The following AGBL2 variants were observed in gnomAD, a reference collection of about 807,000 sequenced individuals.
AGBL2 encodes the protein AGBL carboxypeptidase 2.
In AGBL2, 87 loss-of-function variants were observed where a neutral mutation model predicts 103.0. That is an observed-to-expected ratio of 0.84 (90% CI 0.71 to 1.01). AGBL2 has a LOEUF of 1.01. Among genes scored for constraint, AGBL2 ranks in the 50% least tolerant of loss-of-function variants. The probability of loss-of-function intolerance (pLI) is 0.00; values close to 1 mark genes in which losing one functional copy is unlikely to be tolerated. For synonymous variants in AGBL2, 335 were observed against 356.7 expected, an observed-to-expected ratio of 0.94 and a Z score of 0.69; for missense variants, 904 against 1,023.5, an observed-to-expected ratio of 0.88 and a Z score of 1.59.
chr11:47,695,760 G>A (rs949482470), intron 8 of AGBL2, among the ~76,000 whole-genome samples: 1 of 151,862 alleles, frequency 6.6e-6, no homozygotes, highest in Non-Finnish European at 1.5e-5. Flanking sequence ...GGGCGACAGA[G>A]GAAGATCCTG....
At chr11:47,673,378 G>A (rs931027524) in intron 14 of AGBL2, among the ~76,000 whole-genome samples, 1 of 150,860 alleles carries the variant, frequency 6.6e-6, no homozygotes, top group African/African-American at 2.4e-5. Flanking sequence ...GTAATCCCAG[G>A]ACTTTGGGAG....
intron 8 of AGBL2, among the ~76,000 whole-genome samples, chr11:47,693,056 G>A (rs1387181968): frequency 6.6e-6 from 1 of 151,956 alleles, no homozygotes; most frequent in African/African-American, 2.4e-5. Context: ...CAGGGCCCAA[G>A]CGATCCTCCT....
At chr11:47,689,486 G>C (rs752694464) in intron 10 of AGBL2, among the ~76,000 whole-genome samples, 52 of 151,822 alleles carry the variant, frequency 3.4e-4, no homozygotes, top group Admixed American at 6.6e-5. Flanking sequence ...TGTATCTTTA[G>C]CAGAGACTGG....
In AGBL2 at chr11:47,668,902, C is replaced by T. The variant is rs1351559602; in HGVS notation, c.2153G>A (p.Ser718Asn). ...ATCTGAGAGAGAACTGTCAGAGCCA[C>T]TGGTGCTGTTTCCAAAAGAAAAAAA... ...ISLSDIESST[S>N]GSDSSLSDGL... The change falls in exon 15 of 19, where the codon AGT (serine) becomes AAT (asparagine). Residue 718 changes from serine to asparagine, a missense_variant. By Grantham distance (46) the Ser-to-Asn change is conservative (BLOSUM62 1). Transcript: ENST00000525123. The T allele has an allele frequency of 2.0e-5, 32 of 1,612,516 alleles. No individual in the cohort carries two copies. The highest frequency in any genetic ancestry group is 2.6e-5 in the Non-Finnish European group (31 of 1,179,044).
Position 47,690,835 on chromosome 11 carries a change from G to A in AGBL2, c.872C>T (p.Thr291Ile). ...VRVDTYEYEL[T>I]LRTDLYTNKH... is the part of the protein sequence containing the mutation. ...GTTAGTGTAGAGGTCAGTTCGCAAG[G>A]TGAGTTCATACTCATAGGTGTCTCT... Residue 291 changes from threonine (T) to isoleucine (I), a missense_variant, in exon 10 of 19, where the codon ACC (threonine) becomes ATC (isoleucine). Transcript: ENST00000525123. The A allele has an allele frequency of 6.2e-7, 1 of 1,611,530 alleles. No homozygotes were observed. Among genetic ancestry groups the A allele is most frequent in the South Asian group, 1.1e-5 (1 of 91,070 alleles).
chr11:47,709,809 G>A (rs1392381896), intron 4 of AGBL2, among the ~76,000 whole-genome samples: 3 of 151,998 alleles, frequency 2.0e-5, no homozygotes, highest in South Asian at 2.1e-4. Context: ...GGCTGGTCTC[G>A]AGCTCCTGAG....
rs2097450292 is a variant in AGBL2 at position 47,692,230 on chromosome 11, T to A, written c.721A>T (p.Ser241Cys). 6.2e-7 allele frequency: 1 copy of A among 1,613,602 alleles called. No individual in the cohort carries two copies. Among genetic ancestry groups the A allele is most frequent in the Non-Finnish European group, 8.5e-7 (1 of 1,179,858 alleles). ...SVPIEGSYFT[S>C]SRVGGKRGIV... Reference sequence around the variant, plus strand: ...CCTCGTTTGCCTCCCACTCTGGAACTGGTAAAATAGGAACCTTCTATAGGC... The same window carrying A: ...CCTCGTTTGCCTCCCACTCTGGAACAGGTAAAATAGGAACCTTCTATAGGC... Residue 241 changes from serine (S) to cysteine (C), a missense_variant, in exon 9 of 19, where the codon AGT becomes TGT. Physicochemically the swap from Ser to Cys is moderately radical, Grantham distance 112. Transcript: ENST00000525123.
At chr11:47,709,217 T>TA (rs1326201064) in intron 4 of AGBL2, among the ~76,000 whole-genome samples, 1 of 151,542 alleles carries the variant, frequency 6.6e-6, no homozygotes, top group East Asian at 1.9e-4. Flanking sequence ...GATTTGCATA[T>TA]AAAAAACACT....
intron 18 of AGBL2, among the ~76,000 whole-genome samples, chr11:47,661,267 C>A (rs1224141322): frequency 6.6e-6 from 1 of 152,138 alleles, no homozygotes; most frequent in African/African-American, 2.4e-5. Context: ...ATGTTACAAC[C>A]TAATTAGTAT....
chr11:47,682,224 A>G (rs1307134490), intron 11 of AGBL2, 129 bp from the exon 12 acceptor site: 1 of 957,488 alleles, frequency 1.0e-6, no homozygotes, highest in Non-Finnish European at 1.5e-6. Flanking sequence ...GTTCCACAAA[A>G]TACTAATTTG....
In AGBL2 at chr11:47,714,348, CTG is replaced by C. The variant is rs2097544080; in HGVS notation, c.34-3_34-2del. On this transcript the variant is annotated splice_acceptor_variant and splice_polypyrimidine_tract_variant and intron_variant, in intron 2 of 18. Coordinates refer to ENST00000525123, the MANE Select transcript of AGBL2 (RefSeq NM_024783.4). LOFTEE classifies it high-confidence loss of function. ...AGTCTTCATAAGGATCAGGAATAGT[CTG>C]TGAAAGGAAAGGCCACTTCAATCAA... 1 of 1,612,200 alleles carries C rather than the reference CTG, an allele frequency of 6.2e-7. No individual in the cohort carries two copies. The highest frequency in any genetic ancestry group is 8.5e-7 in the Non-Finnish European group (1 of 1,179,098).
chr11:47,688,629 C>A (rs918777684), intron 10 of AGBL2, among the ~76,000 whole-genome samples: 1 of 152,132 alleles, frequency 6.6e-6, no homozygotes, highest in Non-Finnish European at 1.5e-5. Context: ...CTCACAGTAA[C>A]CACCCAAGGC....
chr11:47,696,904 T>C (rs754587322), intron 8 of AGBL2, among the ~76,000 whole-genome samples: 6 of 152,086 alleles, frequency 3.9e-5, no homozygotes, highest in East Asian at 1.9e-4. Flanking sequence ...CTGTCTTCTA[T>C]TCAATGCTTT....
chr11:47,710,329 T>G (rs1364411021), intron 4 of AGBL2, 48 bp downstream of exon 4: 2 of 1,612,260 alleles, frequency 1.2e-6, no homozygotes. Flanking sequence ...TCAGAGGAGT[T>G]ACTAGGCAAT....
intron 8 of AGBL2, among the ~76,000 whole-genome samples, chr11:47,696,010 C>CAAAAAAAAAAAAAAAAAAAA (rs1171058500): frequency 0.013 from 216 of 17,128 alleles, 2 homozygotes; most frequent in Non-Finnish European, 0.015. Flanking sequence ...ACTAAAAATA[C>CAAAAAAAAAAAAAAAAAAAA]AAAAAAAAAA....
At chr11:47,702,261 G>C (rs114134537) in intron 7 of AGBL2, among the ~76,000 whole-genome samples, 2 of 152,108 alleles carry the variant, frequency 1.3e-5, no homozygotes, top group Non-Finnish European at 2.9e-5. Flanking sequence ...AGCATGCCAT[G>C]CTCTTTTTCT....
Position 47,702,929 on chromosome 11 carries a change from C to T in AGBL2, c.586+1614G>A, listed in dbSNP as rs74670864. On this transcript the variant is annotated intron_variant, in intron 7 of 18. Coordinates refer to ENST00000525123, the MANE Select transcript of AGBL2 (RefSeq NM_024783.4). Reference sequence around the variant, plus strand: ...TTCAGTAGTATAAAGCAGAGACATACGTGATGTTTGCTAGACTTGTTCTGG... The same window carrying T: ...TTCAGTAGTATAAAGCAGAGACATATGTGATGTTTGCTAGACTTGTTCTGG... Among the ~76,000 whole-genome samples, 1,004 of 151,992 alleles carry T rather than the reference C, an allele frequency of 6.6e-3. 12 individuals carry two copies. The highest frequency in any genetic ancestry group is 0.023 in the African/African-American group (965 of 41,478).
chr11:47,695,055 C>A (rs866250654), intron 8 of AGBL2, among the ~76,000 whole-genome samples: 2 of 152,112 alleles, frequency 1.3e-5, no homozygotes, highest in South Asian at 4.2e-4. Flanking sequence ...GAGGCTGAGG[C>A]AGGAGAATTG....
At chr11:47,684,338 C>T (rs1197122061) in intron 11 of AGBL2, among the ~76,000 whole-genome samples, 5 of 151,762 alleles carry the variant, frequency 3.3e-5, no homozygotes, top group Non-Finnish European at 7.4e-5. Flanking sequence ...GAGGCTGAGG[C>T]GGGTGGTCAG....
Sources: gnomAD v4.1 joint callset for allele counts (sites outside exome capture counted in the v4.1 genomes callset) on GRCh38, gnomAD v4.1.1 for gene constraint, MANE v1.5 for transcripts, NCBI Gene and HGNC (gene_info 2026-07-23, HGNC 2026-07-21) for gene names.